PLCE1: variants seen among roughly 807,000 people sequenced by gnomAD.
PLCE1 encodes phospholipase C epsilon 1.
PLCE1 carries 119 observed loss-of-function variants against 242.8 expected under a neutral mutation model. The observed-to-expected ratio is 0.49, with a 90% CI of 0.42 to 0.57. The LOEUF is 0.57. PLCE1 is among the 20% of genes least tolerant of loss of function. The pLI is 0.00. For synonymous variants in PLCE1, 945 were observed against 1,017.4 expected (o/e 0.93, Z 1.35); for missense variants, 2,441 against 2,788.8 (o/e 0.88, Z 2.81).
intron 2 of PLCE1, among the ~76,000 whole-genome samples, chr10:94,054,947 A>G (rs1364894406): frequency 1.3e-5 from 2 of 149,872 alleles, no homozygotes; most frequent in African/African-American, 4.9e-5. Flanking sequence ...GGGAGGCAGA[A>G]CTTGCAGTGA....
intron 4 of PLCE1, among the ~76,000 whole-genome samples, chr10:94,193,880 T>C (rs1394147438): frequency 6.6e-6 from 1 of 152,228 alleles, no homozygotes; most frequent in Non-Finnish European, 1.5e-5. Context: ...TGCTGGGTGC[T>C]CAATAGCTTG....
rs1448465355 is a variant in PLCE1, at chr10:94,236,364, T to A, written c.2420+244T>A. Among the ~76,000 whole-genome samples the A allele has an allele frequency of 7.5e-5, 11 of 147,206 alleles. No individual in the cohort carries two copies. The East Asian group carries it at 2.0e-3, about 26-fold the overall frequency. On this transcript the variant is annotated intron_variant, in intron 7 of 32. Transcript: ENST00000371380. ...AACTTCTTACCATCTGTTACCCCTT[T>A]AAAAAAAAAACAAAAACCTAGAGCT...
chr10:94,266,560 A>G (rs1176393629), intron 16 of PLCE1, among the ~76,000 whole-genome samples: 1 of 152,180 alleles, frequency 6.6e-6, no homozygotes, highest in Non-Finnish European at 1.5e-5. Context: ...TAAACATCCA[A>G]CTTGCAATGA....
chr10:94,120,116 A>G (rs983481662), intron 2 of PLCE1, among the ~76,000 whole-genome samples: 3 of 151,902 alleles, frequency 2.0e-5, no homozygotes, highest in Non-Finnish European at 4.4e-5. Context: ...ACTATTCTCT[A>G]CCCTTACTCA....
intron 4 of PLCE1, among the ~76,000 whole-genome samples, chr10:94,184,727 T>A (rs2048416190): frequency 6.6e-6 from 1 of 152,234 alleles, no homozygotes; most frequent in African/African-American, 2.4e-5. Context: ...TAGTTTTCTG[T>A]ACATAGCCTC....
At chr10:94,319,443 G>T (rs996948796) in intron 29 of PLCE1, among the ~76,000 whole-genome samples, 4 of 152,100 alleles carry the variant, frequency 2.6e-5, no homozygotes, top group Non-Finnish European at 4.4e-5. Context: ...TAAGCAGTTT[G>T]CCCATATATG....
chr10:94,000,928 G>A (rs1011133787), intron 1 of PLCE1, among the ~76,000 whole-genome samples: 15 of 152,134 alleles, frequency 9.9e-5, no homozygotes, highest in African/African-American at 3.6e-4. Flanking sequence ...GAGTTGGAAC[G>A]GGGGCAAGGG....
At chr10:94,294,090 G>A (rs1276547140) in intron 23 of PLCE1, among the ~76,000 whole-genome samples, 2 of 152,086 alleles carry the variant, frequency 1.3e-5, no homozygotes, top group Non-Finnish European at 2.9e-5. Context: ...CTGGGTGACA[G>A]AGCAAGATTC....
chr10:94,036,811 G>T (rs2061673120), intron 2 of PLCE1, among the ~76,000 whole-genome samples: 1 of 152,172 alleles, frequency 6.6e-6, no homozygotes, highest in African/African-American at 2.4e-5. Flanking sequence ...CTGCCTTGCT[G>T]GAATTGCTCA....
At chr10:94,304,357 C>G (rs1451218084) in intron 24 of PLCE1, 125 bp from the exon 25 acceptor site, 3 of 875,492 alleles carry the variant, frequency 3.4e-6, no homozygotes. Flanking sequence ...GGGTGATTAT[C>G]TCTTTTTCAT....
intron 24 of PLCE1, among the ~76,000 whole-genome samples, chr10:94,299,424 G>A (rs1367659877): frequency 6.6e-6 from 1 of 152,190 alleles, no homozygotes; most frequent in East Asian, 1.9e-4. Flanking sequence ...AAGGTTGCAG[G>A]ATGACTTGTA....
At chr10:94,056,443 T>G (rs1372336909) in intron 2 of PLCE1, among the ~76,000 whole-genome samples, 2 of 152,190 alleles carry the variant, frequency 1.3e-5, no homozygotes, top group Non-Finnish European at 2.9e-5. Flanking sequence ...TTTAATATAT[T>G]GTGTATCTAT....
chr10:94,236,390 A>G (rs1054097245), intron 7 of PLCE1, among the ~76,000 whole-genome samples: 5 of 152,096 alleles, frequency 3.3e-5, no homozygotes, highest in Non-Finnish European at 5.9e-5. Context: ...ACCTAGAGCT[A>G]TCCTGCCATT....
intron 2 of PLCE1, among the ~76,000 whole-genome samples, chr10:94,112,541 A>G (rs1321234370): frequency 6.6e-6 from 1 of 152,214 alleles, no homozygotes; most frequent in African/African-American, 2.4e-5. Flanking sequence ...TCTTGCTTTG[A>G]ATGATTGTTT....
intron 2 of PLCE1, among the ~76,000 whole-genome samples, chr10:94,110,447 C>G (rs1169284156): frequency 6.6e-6 from 1 of 152,108 alleles, no homozygotes; most frequent in Non-Finnish European, 1.5e-5. Context: ...ATCACAACAG[C>G]TTTACAATAG....
At chr10:94,325,393 C>T in intron 32 of PLCE1, 2 of 329,292 alleles carry the variant, frequency 6.1e-6, no homozygotes, top group South Asian at 5.5e-5. Flanking sequence ...GAGGTCAGTT[C>T]AAGACCAGCC....
intron 2 of PLCE1, among the ~76,000 whole-genome samples, chr10:94,062,113 G>A (rs1404184707): frequency 6.6e-6 from 1 of 152,222 alleles, no homozygotes; most frequent in African/African-American, 2.4e-5. Flanking sequence ...GTAAGCACTA[G>A]ATATGAGTTA....
intron 2 of PLCE1, among the ~76,000 whole-genome samples, chr10:94,085,894 A>G (rs913117836): frequency 2.6e-5 from 4 of 152,226 alleles, no homozygotes; most frequent in Admixed American, 1.3e-4. Flanking sequence ...CCCACAGTCA[A>G]TATGCAGATG....
intron 1 of PLCE1, among the ~76,000 whole-genome samples, chr10:94,013,390 C>A (rs548555193): frequency 6.6e-6 from 1 of 152,288 alleles, no homozygotes; most frequent in East Asian, 1.9e-4. Flanking sequence ...GAACTGCCCC[C>A]CTCCCTGCCA....
Sources: allele counts gnomAD v4.1 joint callset (sites outside exome capture counted in the v4.1 genomes callset), GRCh38; gene constraint gnomAD v4.1.1; transcripts MANE v1.5; gene names NCBI Gene and HGNC (gene_info 2026-07-23, HGNC 2026-07-21).